Variants in SRD5A2 observed in about 807,000 individuals in gnomAD.
The protein encoded by SRD5A2 is steroid 5 alpha-reductase 2, also known as 3-oxo-5-alpha-steroid 4-dehydrogenase 2.
SRD5A2 carries 30 observed loss-of-function variants against 27.4 expected under a neutral mutation model. The ratio of observed to expected loss-of-function variants is 1.10; its 90% CI spans 0.82 to 1.49. The LOEUF is 1.49. Among genes scored for constraint, SRD5A2 ranks in the 40% most tolerant of loss-of-function variants. The pLI is 0.00. For missense variants in SRD5A2, 348 were observed against 323.4 expected, an observed-to-expected ratio of 1.08 and a Z score of -0.58; for synonymous variants, 141 against 133.6, an observed-to-expected ratio of 1.06 and a Z score of -0.38.
At chr2:31,531,817 C>T (rs1222822429) in intron 2 of SRD5A2, among the ~76,000 whole-genome samples, 1 of 152,180 alleles carries the variant, frequency 6.6e-6, no homozygotes, top group Non-Finnish European at 1.5e-5. Context: ...CATTCACAAA[C>T]AGTCAAATCG....
intron 1 of SRD5A2, among the ~76,000 whole-genome samples, chr2:31,557,433 G>A (rs374937391): frequency 4.1e-4 from 62 of 152,300 alleles, no homozygotes; most frequent in Middle Eastern, 3.4e-3. Flanking sequence ...AAATTGGACC[G>A]CAAAACCTAG....
the SRD5A2 span, among the ~76,000 whole-genome samples, chr2:31,611,860 T>C: frequency 6.6e-6 from 1 of 152,210 alleles, no homozygotes; most frequent in Non-Finnish European, 1.5e-5. Context: ...TGTACGTGAA[T>C]GTTCATAACA....
chr2:31,593,273 A>T, the SRD5A2 span, among the ~76,000 whole-genome samples: 1 of 152,184 alleles, frequency 6.6e-6, no homozygotes, highest in Non-Finnish European at 1.5e-5. Flanking sequence ...TAATAAAAAA[A>T]AGAAATTTTC....
At chr2:31,607,839 T>C in the SRD5A2 span, among the ~76,000 whole-genome samples, 2 of 152,086 alleles carry the variant, frequency 1.3e-5, no homozygotes, top group African/African-American at 4.8e-5. Flanking sequence ...CCCACCCCAG[T>C]GTGATAGTAT....
intron 1 of SRD5A2, among the ~76,000 whole-genome samples, chr2:31,559,349 G>T (rs1666567399): frequency 6.6e-6 from 1 of 152,124 alleles, no homozygotes; most frequent in African/African-American, 2.4e-5. Flanking sequence ...GACTTCCCTG[G>T]AAACCACTCT....
the SRD5A2 span, among the ~76,000 whole-genome samples, chr2:31,629,340 C>T: frequency 6.6e-6 from 1 of 152,156 alleles, no homozygotes; most frequent in African/African-American, 2.4e-5. Flanking sequence ...GGCCCACCAC[C>T]ATCTTGGGAG....
At chr2:31,538,052 CA>C (rs1666061002) in intron 1 of SRD5A2, among the ~76,000 whole-genome samples, 2 of 152,286 alleles carry the variant, frequency 1.3e-5, no homozygotes, top group African/African-American at 4.8e-5. Flanking sequence ...CAGACAAAAG[CA>C]ATTATCTATA....
chr2:31,538,755 C>A (rs1487295966), intron 1 of SRD5A2, among the ~76,000 whole-genome samples: 1 of 152,188 alleles, frequency 6.6e-6, no homozygotes, highest in African/African-American at 2.4e-5. Context: ...TCCAATGCCT[C>A]CAGCACTCAC....
intron 1 of SRD5A2, among the ~76,000 whole-genome samples, chr2:31,558,448 C>T (rs1666546077): frequency 6.6e-6 from 1 of 152,168 alleles, no homozygotes; most frequent in Admixed American, 6.5e-5. Flanking sequence ...GGGAGGAGTC[C>T]TTACTTGAGT....
chr2:31,535,212 G>A (rs1666000978), intron 1 of SRD5A2, among the ~76,000 whole-genome samples: 1 of 152,062 alleles, frequency 6.6e-6, no homozygotes, highest in Non-Finnish European at 1.5e-5. Context: ...AGTAGAGACA[G>A]AGTTTCACCA....
At chr2:31,617,178 G>A in the SRD5A2 span, among the ~76,000 whole-genome samples, 2 of 151,954 alleles carry the variant, frequency 1.3e-5, no homozygotes, top group East Asian at 3.9e-4. Flanking sequence ...TCTCGGGTAT[G>A]TCTTTATCAG....
At chr2:31,641,204 A>G in the SRD5A2 span, among the ~76,000 whole-genome samples, 2 of 152,100 alleles carry the variant, frequency 1.3e-5, no homozygotes, top group African/African-American at 4.8e-5. Context: ...GAAGCAGAAG[A>G]CCCTCTATAT....
the SRD5A2 span, among the ~76,000 whole-genome samples, chr2:31,647,587 A>G: frequency 6.6e-6 from 1 of 152,226 alleles, no homozygotes; most frequent in Non-Finnish European, 1.5e-5. Flanking sequence ...ATGCTATAAT[A>G]TTCAAAAGAT....
chr2:31,659,627 G>C, the SRD5A2 span, among the ~76,000 whole-genome samples: 1 of 152,112 alleles, frequency 6.6e-6, no homozygotes, highest in South Asian at 2.1e-4. Flanking sequence ...GCTAACCAGG[G>C]AAGTGAAGGA....
At chr2:31,583,139 G>T (rs1667109542), upstream of SRD5A2, among the ~76,000 whole-genome samples, 1 of 152,166 alleles carries the variant, frequency 6.6e-6, no homozygotes, top group Admixed American at 6.5e-5. Flanking sequence ...TCATTCATCT[G>T]TGTAACAAGT....
chr2:31,626,334 T>C, the SRD5A2 span, among the ~76,000 whole-genome samples: 1 of 152,268 alleles, frequency 6.6e-6, no homozygotes, highest in African/African-American at 2.4e-5. Flanking sequence ...GTTTTCCTCA[T>C]TGGATACCCT....
the SRD5A2 span, among the ~76,000 whole-genome samples, chr2:31,631,376 C>G: frequency 6.6e-6 from 1 of 151,930 alleles, no homozygotes; most frequent in African/African-American, 2.4e-5. Flanking sequence ...GTTTACGCAC[C>G]CTGGAAAAGA....
chr2:31,630,078 A>G, the SRD5A2 span, among the ~76,000 whole-genome samples: 1 of 152,136 alleles, frequency 6.6e-6, no homozygotes, highest in Non-Finnish European at 1.5e-5. Flanking sequence ...CAGGGCCCCA[A>G]GTTTGCAAAT....
the SRD5A2 span, among the ~76,000 whole-genome samples, chr2:31,653,834 A>G: frequency 6.6e-6 from 1 of 152,110 alleles, no homozygotes; most frequent in East Asian, 1.9e-4. Flanking sequence ...TAATTTTTGT[A>G]TTTTTAGTAG....
Sources: allele counts gnomAD v4.1 joint callset (sites outside exome capture counted in the v4.1 genomes callset), GRCh38; gene constraint gnomAD v4.1.1; transcripts MANE v1.5; gene names NCBI Gene and HGNC (gene_info 2026-07-23, HGNC 2026-07-21).